The following ORC5 variants were observed in gnomAD, a reference collection of about 807,000 sequenced individuals.
The protein encoded by ORC5 is protein phosphatase 1, regulatory subunit 117.
A neutral mutation model predicts 58.8 loss-of-function variants in ORC5; 39 were observed. That is an observed-to-expected ratio of 0.66 (90% CI 0.51 to 0.87). The LOEUF is 0.87. ORC5 is among the 40% of genes least tolerant of loss of function. The pLI, the probability that ORC5 is intolerant of heterozygous loss-of-function variation, is 0.00. For missense variants in ORC5, 493 were observed against 506.3 expected (o/e 0.97, Z 0.25); for synonymous variants, 218 against 177.6 (o/e 1.23, Z -1.81).
Position 104,195,174 on chromosome 7 carries a change from C to G in ORC5, c.522G>C (p.Pro174=). ...TGTAATCAGGGAAATATAAGACAAA[C>G]GGCTCAAAGCATCCAGTATTTGGAC... The part of the protein sequence containing the change: ...KFRPNTGCFE[P]FVLYFPDYSI... The change falls in exon 5 of 14, where the codon CCG becomes CCC. Residue 174 remains proline (P), a synonymous_variant. Coordinates refer to ENST00000297431, the MANE Select transcript of ORC5 (RefSeq NM_002553.4). The G allele has an allele frequency of 6.4e-7, 1 of 1,572,364 alleles. No individual in the cohort carries two copies. Among genetic ancestry groups the G allele is most frequent in the Non-Finnish European group, 8.6e-7 (1 of 1,164,042 alleles).
chr7:104,205,085 T>A (rs1179878434), intron 1 of ORC5, among the ~76,000 whole-genome samples: 5 of 103,528 alleles, frequency 4.8e-5, no homozygotes. Flanking sequence ...TTAATAATAC[T>A]CTTTTTTTTT....
chr7:104,183,965 C>A lies in ORC5; in HGVS notation c.802G>T (p.Val268Phe), dbSNP rs750941695. The change falls in exon 8 of 14, where the codon GTT becomes TTT. Residue 268 changes from valine to phenylalanine, a missense_variant. By Grantham distance (50) the Val-to-Phe change is conservative. Coordinates refer to ENST00000297431, the MANE Select transcript of ORC5 (RefSeq NM_002553.4). Reference protein sequence around the residue: ...EPHLKKAMQTVYLREISSSQW... With the variant: ...EPHLKKAMQTFYLREISSSQW... Reference sequence around the variant, plus strand: ...TACCTTGATATTTCCCTGAGATAAACAGTCTGCATAGCTTTCTTCAAATGA... The same window carrying A: ...TACCTTGATATTTCCCTGAGATAAAAAGTCTGCATAGCTTTCTTCAAATGA... 54 of 1,611,512 alleles carry A rather than the reference C, an allele frequency of 3.4e-5. 1 individual carries two copies. In the Middle Eastern group the frequency reaches 3.8e-3, roughly 114 times the overall value.
chr7:104,143,051 C>T (rs529955467), intron 12 of ORC5, among the ~76,000 whole-genome samples: 5 of 152,192 alleles, frequency 3.3e-5, no homozygotes, highest in Admixed American at 6.5e-5. Context: ...AACTTCAACC[C>T]TTTCTATTTT....
intron 11 of ORC5, among the ~76,000 whole-genome samples, chr7:104,163,148 T>C (rs12705180): frequency 0.38 from 58,187 of 152,054 alleles, 13,261 homozygotes; most frequent in Non-Finnish European, 0.52. Flanking sequence ...CTAAGTAGGA[T>C]TGCTGGATTA....
At chr7:104,190,920 A>G (rs1799659887) in intron 5 of ORC5, among the ~76,000 whole-genome samples, 1 of 152,026 alleles carries the variant, frequency 6.6e-6, no homozygotes, top group Non-Finnish European at 1.5e-5. Flanking sequence ...AATTAGATGC[A>G]GGTACAAGAT....
At chr7:104,168,328 A>G in intron 9 of ORC5, 145 bp downstream of exon 9, 2 of 1,277,186 alleles carry the variant, frequency 1.6e-6, no homozygotes, top group Non-Finnish European at 2.0e-6. Context: ...AAAAATCATT[A>G]ATCAAAATAG....
intron 8 of ORC5, among the ~76,000 whole-genome samples, 185 bp from the exon 9 acceptor site, chr7:104,168,710 A>T (rs1297270351): frequency 6.6e-6 from 1 of 151,482 alleles, no homozygotes; most frequent in Non-Finnish European, 1.5e-5. Flanking sequence ...TTAGAATGTC[A>T]TAAATTTATA....
intron 5 of ORC5, among the ~76,000 whole-genome samples, chr7:104,193,556 A>T (rs1308276229): frequency 6.6e-6 from 1 of 152,120 alleles, no homozygotes; most frequent in Non-Finnish European, 1.5e-5. Context: ...TTAAAATCAG[A>T]CACCATATTC....
At chr7:104,180,219 A>G (rs1326053316) in intron 8 of ORC5, among the ~76,000 whole-genome samples, 1 of 152,206 alleles carries the variant, frequency 6.6e-6, no homozygotes, top group East Asian at 1.9e-4. Context: ...CACTGGGTTC[A>G]ACTTCCAGGT....
intron 12 of ORC5, among the ~76,000 whole-genome samples, chr7:104,141,294 C>T (rs1237506913): frequency 6.6e-6 from 1 of 152,076 alleles, no homozygotes; most frequent in African/African-American, 2.4e-5. Flanking sequence ...TTGTATTCAC[C>T]GTAGAGGTGG....
intron 8 of ORC5, among the ~76,000 whole-genome samples, chr7:104,169,288 G>A (rs1038924393): frequency 1.2e-4 from 17 of 141,770 alleles, no homozygotes; most frequent in African/African-American, 1.7e-4. Flanking sequence ...CTAGAGCTAC[G>A]AGTCGAATCC....
At chr7:104,178,135 G>T (rs540669857) in intron 8 of ORC5, among the ~76,000 whole-genome samples, 1 of 152,154 alleles carries the variant, frequency 6.6e-6, no homozygotes, top group African/African-American at 2.4e-5. Flanking sequence ...AGACCCCTGA[G>T]GAATCACCAC....
chr7:104,187,122 G>A (rs1015216595), intron 6 of ORC5, among the ~76,000 whole-genome samples: 2 of 152,156 alleles, frequency 1.3e-5, no homozygotes, highest in South Asian at 4.1e-4. Flanking sequence ...AAAGACCGAG[G>A]AGGATTATCT....
intron 8 of ORC5, among the ~76,000 whole-genome samples, chr7:104,175,448 G>GT (rs763455300): frequency 1.3e-5 from 2 of 152,288 alleles, no homozygotes; most frequent in South Asian, 2.1e-4. Flanking sequence ...AAGTTTTAGA[G>GT]TGCTTTCAAA....
rs1245668067 is a variant in ORC5, at chr7:104,136,735, T to G, written c.1262+46A>C. 6 of 1,269,544 alleles carry G rather than the reference T, an allele frequency of 4.7e-6. No individual in the cohort carries two copies. Among genetic ancestry groups the G allele is most frequent in the Non-Finnish European group, 5.7e-6 (5 of 873,574 alleles). 78.6% of individuals were successfully genotyped at this position (1,269,544 alleles called of 1,614,324 possible). On this transcript the variant is annotated intron_variant, in intron 13 of 13. Transcript: ENST00000297431. This position sits in a 1 kb window ranked among gnomAD's most constrained non-coding sequence, Gnocchi z 4.2. ...TAATGACATCACATTTGGAAAACAC[T>G]AATTTTTATATTTAGTATATCATTA...
chr7:104,147,437 T>C (rs77358992), intron 12 of ORC5, among the ~76,000 whole-genome samples: 3 of 152,344 alleles, frequency 2.0e-5, no homozygotes, highest in Middle Eastern at 3.4e-3. Context: ...TATTTGTTTG[T>C]TTTGGGGCTA....
At chr7:104,156,204 T>C (rs953243318) in intron 12 of ORC5, among the ~76,000 whole-genome samples, 13 of 151,490 alleles carry the variant, frequency 8.6e-5, no homozygotes, top group Non-Finnish European at 1.3e-4. Flanking sequence ...AGATAATGAC[T>C]GCAAAATTGT....
intron 12 of ORC5, among the ~76,000 whole-genome samples, chr7:104,152,727 A>T (rs529388478): frequency 4.1e-4 from 62 of 152,346 alleles, no homozygotes; most frequent in African/African-American, 1.4e-3. Flanking sequence ...TTCCCCCAAA[A>T]ATGTGAATAA....
chr7:104,179,544 T>C (rs1799392540), intron 8 of ORC5, among the ~76,000 whole-genome samples: 1 of 152,112 alleles, frequency 6.6e-6, no homozygotes. Flanking sequence ...AAGAAGTTTT[T>C]TTTTTTCCTA....
Sources: gnomAD v4.1 joint callset for allele counts (sites outside exome capture counted in the v4.1 genomes callset) on GRCh38, gnomAD v4.1.1 for gene constraint, Gnocchi (gnomAD v3.1) non-coding constraint, MANE v1.5 for transcripts, NCBI Gene and HGNC (gene_info 2026-07-23, HGNC 2026-07-21) for gene names.